Variants in RSPO4 observed in about 807,000 individuals in gnomAD.
The protein encoded by RSPO4 is R-spondin 4, also known as R-spondin-4.
Under a neutral mutation model 24.8 loss-of-function variants are expected in RSPO4, and 23 were observed. That is an observed-to-expected ratio of 0.93 (90% CI 0.67 to 1.31). The LOEUF (loss-of-function observed/expected upper bound fraction) is 1.31. Among genes scored for constraint, RSPO4 ranks in the 40% most tolerant of loss-of-function variants. The probability of loss-of-function intolerance (pLI) is 0.00; values close to 1 mark genes in which losing one functional copy is unlikely to be tolerated. For missense variants in RSPO4, 333 were observed against 316.5 expected, an observed-to-expected ratio of 1.05 and a Z score of -0.39; for synonymous variants, 141 against 127.4, an observed-to-expected ratio of 1.11 and a Z score of -0.72.
chr20:983,303 G>T (rs553913429), intron 1 of RSPO4, among the ~76,000 whole-genome samples: 203 of 152,324 alleles, frequency 1.3e-3, no homozygotes, highest in African/African-American at 4.8e-3. Flanking sequence ...TTTCCTATCG[G>T]AAAAGCAGAG....
chr20:988,220 T>C (rs1984983012), intron 1 of RSPO4, among the ~76,000 whole-genome samples: 2 of 152,090 alleles, frequency 1.3e-5, no homozygotes, highest in Admixed American at 1.3e-4. Flanking sequence ...CCAGGACACA[T>C]GGATGAGTTT....
intron 1 of RSPO4, among the ~76,000 whole-genome samples, chr20:998,978 T>G (rs918161505): frequency 6.8e-6 from 1 of 147,958 alleles, no homozygotes; most frequent in African/African-American, 2.5e-5. Context: ...TCACTCTCTC[T>G]CGCTCTCTTT....
chr20:958,846 TCACG>T lies in RSPO4; in HGVS notation c.*1507_*1510del. On this transcript the variant is annotated 3_prime_UTR_variant, in exon 5 of 5. Coordinates refer to ENST00000217260, the MANE Select transcript of RSPO4 (RefSeq NM_001029871.4). ...CTTCTCCTGCCCATTCCTGTCCCAG[TCACG>T]GAGCCCTACGTGTTCAGGCCAACCA... 6.6e-6 allele frequency: 1 copy of T among 152,410 alleles called. No individual in the cohort carries two copies. The highest frequency in any genetic ancestry group is 1.9e-4 in the East Asian group (1 of 5,176). 9.4% of individuals were successfully genotyped at this position (152,410 alleles called of 1,614,324 possible). A position where few individuals can be genotyped will look rare whatever the true frequency, so the allele number is the denominator to read the frequency against.
At chr20:969,375 C>T (rs1013132149) in intron 1 of RSPO4, among the ~76,000 whole-genome samples, 1 of 152,182 alleles carries the variant, frequency 6.6e-6, no homozygotes, top group East Asian at 1.9e-4. Flanking sequence ...TGTGACTTTT[C>T]CTCTGTTCCC....
chr20:994,719 A>C (rs1486194091), intron 1 of RSPO4, among the ~76,000 whole-genome samples: 2 of 152,118 alleles, frequency 1.3e-5, no homozygotes, highest in Non-Finnish European at 2.9e-5. Flanking sequence ...GTGCACTAAC[A>C]CACCCAGCTA....
intron 1 of RSPO4, among the ~76,000 whole-genome samples, chr20:984,210 G>A (rs111780412): frequency 5.3e-5 from 8 of 151,840 alleles, no homozygotes; most frequent in Admixed American, 3.3e-4. Context: ...GTGGTGGTGC[G>A]CACCTGTAAT....
chr20:988,201 G>T (rs1984982429), intron 1 of RSPO4, among the ~76,000 whole-genome samples: 1 of 152,226 alleles, frequency 6.6e-6, no homozygotes, highest in African/African-American at 2.4e-5. Context: ...AGGCAGAGGG[G>T]CCAGACCCCC....
intron 1 of RSPO4, among the ~76,000 whole-genome samples, chr20:972,029 G>A (rs943075803): frequency 9.9e-5 from 15 of 152,072 alleles, no homozygotes; most frequent in East Asian, 5.8e-4. Context: ...TTTGCCCCTC[G>A]TCCACTCTCC....
At position 967,279 on chromosome 20, in the gene RSPO4, C is replaced by T. The variant is rs772877858; in HGVS notation, c.304G>A (p.Asp102Asn). ...GATCESCFSQ[D>N]FCIRCKRQFY... is the part of the protein sequence containing the mutation. Reference sequence around the variant, plus strand: ...TGCCTCTTGCACCGGATGCAGAAGTCCTGGCTGAAGCAGCTCTCACAAGTG... The same window carrying T: ...TGCCTCTTGCACCGGATGCAGAAGTTCTGGCTGAAGCAGCTCTCACAAGTG... Residue 102 changes from aspartate to asparagine, a missense_variant, in exon 3 of 5, where the codon GAC becomes AAC. By Grantham distance (23) the Asp-to-Asn change is conservative. Coordinates refer to ENST00000217260, the MANE Select transcript of RSPO4 (RefSeq NM_001029871.4). 9.3e-6 allele frequency: 15 copies of T among 1,614,120 alleles called. No individual in the cohort carries two copies. In the East Asian group the frequency reaches 3.1e-4, roughly 34 times the overall value.
intron 1 of RSPO4, among the ~76,000 whole-genome samples, chr20:973,372 G>C (rs906893576): frequency 1.3e-5 from 2 of 152,240 alleles, no homozygotes; most frequent in Non-Finnish European, 2.9e-5. Flanking sequence ...AGAAGGGGTG[G>C]AGCTTTCCCC....
rs866604435 is a variant in RSPO4, at chr20:1,001,999, G to A, written c.79+87C>T. ...CCAGGGCGCCAGGCACCAGGCAGATGCCCCCAGAGCCGCCGCCCCCGGTCC... is the reference window on the plus strand; with the variant it reads ...CCAGGGCGCCAGGCACCAGGCAGATACCCCCAGAGCCGCCGCCCCCGGTCC... On this transcript the variant is annotated intron_variant, in intron 1 of 4. Coordinates refer to ENST00000217260, the MANE Select transcript of RSPO4 (RefSeq NM_001029871.4). 56 of 1,135,800 alleles carry A rather than the reference G, an allele frequency of 4.9e-5. No individual in the cohort carries two copies. The Middle Eastern group carries it at 6.8e-4, about 14-fold the overall frequency. The allele number at this position is 1,135,800 out of a possible 1,614,324, so 70.4% of individuals were successfully genotyped here.
Sources: allele counts gnomAD v4.1 joint callset (sites outside exome capture counted in the v4.1 genomes callset), GRCh38; gene constraint gnomAD v4.1.1; transcripts MANE v1.5; gene names NCBI Gene and HGNC (gene_info 2026-07-23, HGNC 2026-07-21).